SDK1: variants seen among roughly 807,000 people sequenced by gnomAD.
SDK1 encodes the protein sidekick cell adhesion molecule 1.
A neutral mutation model predicts 245.5 loss-of-function variants in SDK1; 157 were observed. That is an observed-to-expected ratio of 0.64 (90% CI 0.56 to 0.73). The LOEUF is 0.73. SDK1 is among the 30% of genes least tolerant of loss of function. The pLI, the probability that SDK1 is intolerant of heterozygous loss-of-function variation, is 0.00. For missense variants in SDK1, 3,583 were observed against 3,002.3 expected, an observed-to-expected ratio of 1.19 and a Z score of -4.52; for synonymous variants, 1,647 against 1,278.5, an observed-to-expected ratio of 1.29 and a Z score of -6.15.
intron 17 of SDK1, among the ~76,000 whole-genome samples, chr7:4,035,144 AT>A (rs535594795): frequency 1.6e-3 from 240 of 147,030 alleles, no homozygotes; most frequent in South Asian, 6.1e-3. Context: ...ATGCCCAGCT[AT>A]TTTTTTTTTT....
Position 4,175,835 on chromosome 7 carries a change from G to C in SDK1, c.4996+1G>C. 6.2e-7 allele frequency: 1 copy of C among 1,612,826 alleles called. No homozygotes were observed. Among genetic ancestry groups the C allele is most frequent in the Non-Finnish European group, 8.5e-7 (1 of 1,179,632 alleles). ...ACATCGACGATGTGTGAACTAACAC[G>C]TAAGTGCGCTCTCAGCGGGAGGCCC... On this transcript the variant is annotated splice_donor_variant, in intron 34 of 44. Coordinates refer to ENST00000404826, the MANE Select transcript of SDK1 (RefSeq NM_152744.4). LOFTEE classifies it high-confidence loss of function.
At chr7:3,975,258 C>T (rs757507494) in intron 13 of SDK1, among the ~76,000 whole-genome samples, 49 of 152,090 alleles carry the variant, frequency 3.2e-4, no homozygotes, top group Middle Eastern at 6.8e-3. Flanking sequence ...CTCAATATTC[C>T]GTGAGTGCAT....
chr7:3,473,702 C>G (rs866422991), intron 1 of SDK1, among the ~76,000 whole-genome samples: 1 of 151,354 alleles, frequency 6.6e-6, no homozygotes, highest in South Asian at 2.1e-4. Flanking sequence ...TTTTATCTTT[C>G]TAGTTACCTT....
chr7:4,189,476 A>C (rs1783069158), intron 35 of SDK1, among the ~76,000 whole-genome samples: 1 of 152,228 alleles, frequency 6.6e-6, no homozygotes, highest in Non-Finnish European at 1.5e-5. Context: ...ATGAGAGCCG[A>C]GTGTCCAGCA....
chr7:3,757,827 G>A (rs565828781), intron 4 of SDK1, among the ~76,000 whole-genome samples: 1 of 152,256 alleles, frequency 6.6e-6, no homozygotes, highest in Admixed American at 6.5e-5. Flanking sequence ...CCCCTCCCAG[G>A]AGACTGGGGA....
At chr7:3,626,609 C>G (rs74705357) in intron 2 of SDK1, among the ~76,000 whole-genome samples, 4,615 of 152,264 alleles carry the variant, frequency 0.03, 205 homozygotes, top group African/African-American at 0.099. Flanking sequence ...ACTGGTCTTG[C>G]GAGTACTAAG....
At chr7:3,975,824 C>G (rs929098969) in intron 13 of SDK1, among the ~76,000 whole-genome samples, 1 of 152,236 alleles carries the variant, frequency 6.6e-6, no homozygotes, top group East Asian at 1.9e-4. Flanking sequence ...AGTTAGGAAG[C>G]GGCAGGAGTC....
chr7:3,876,783 T>C (rs1219980465), intron 5 of SDK1, among the ~76,000 whole-genome samples: 1 of 152,200 alleles, frequency 6.6e-6, no homozygotes, highest in Non-Finnish European at 1.5e-5. Flanking sequence ...GTGAAGTCTC[T>C]AGAGCTAAGG....
chr7:4,074,790 T>C (rs934879494), intron 20 of SDK1, among the ~76,000 whole-genome samples: 2 of 146,868 alleles, frequency 1.4e-5, no homozygotes, highest in African/African-American at 5.1e-5. Flanking sequence ...TTGGGTTGAG[T>C]GGTTCAAGGT....
At chr7:3,582,606 GTAATC>G (rs780893825) in intron 1 of SDK1, among the ~76,000 whole-genome samples, 2 of 134,444 alleles carry the variant, frequency 1.5e-5, no homozygotes, top group South Asian at 2.5e-4. Flanking sequence ...GGGTGACAAA[GTAATC>G]TATGTAATGA....
intron 7 of SDK1, 81 bp from the exon 8 acceptor site, chr7:3,958,850 A>C: frequency 9.4e-7 from 1 of 1,063,314 alleles, no homozygotes; most frequent in Non-Finnish European, 1.4e-6. Context: ...TTTTAAGAGG[A>C]GCCCACACTA....
At chr7:4,034,615 G>T (rs185672218) in intron 17 of SDK1, among the ~76,000 whole-genome samples, 13 of 152,334 alleles carry the variant, frequency 8.5e-5, no homozygotes, top group African/African-American at 2.9e-4. Context: ...AGCAGGACAA[G>T]TTAGCAGTAA....
intron 1 of SDK1, among the ~76,000 whole-genome samples, chr7:3,476,786 A>G (rs1472797933): frequency 6.6e-6 from 1 of 152,188 alleles, no homozygotes; most frequent in East Asian, 1.9e-4. Context: ...GATTGACCCT[A>G]GTCATACACC....
chr7:4,186,537 C>T (rs949463922), intron 35 of SDK1, among the ~76,000 whole-genome samples: 9 of 152,192 alleles, frequency 5.9e-5, no homozygotes, highest in South Asian at 4.1e-4. Flanking sequence ...TCCCCGGAGC[C>T]GGCTCGCCTT....
chr7:3,819,243 C>A (rs1429910300), intron 4 of SDK1, among the ~76,000 whole-genome samples: 1 of 145,842 alleles, frequency 6.9e-6, no homozygotes. Flanking sequence ...TTTTTTTTTT[C>A]ATGAATTTTG....
At chr7:3,720,975 G>A (rs966162105) in intron 4 of SDK1, among the ~76,000 whole-genome samples, 2 of 152,154 alleles carry the variant, frequency 1.3e-5, no homozygotes, top group African/African-American at 2.4e-5. Context: ...GTTATATTGA[G>A]TGAGAAAAGC....
intron 4 of SDK1, among the ~76,000 whole-genome samples, chr7:3,799,486 C>T (rs1422093430): frequency 4.6e-5 from 7 of 151,696 alleles, no homozygotes; most frequent in Non-Finnish European, 8.8e-5. Context: ...AGGTGGATCA[C>T]GAGGTCAGGA....
At chr7:3,883,693 G>T (rs934312630) in intron 5 of SDK1, among the ~76,000 whole-genome samples, 1 of 144,252 alleles carries the variant, frequency 6.9e-6, no homozygotes, top group Non-Finnish European at 1.5e-5. Flanking sequence ...TCGCTCCCTC[G>T]CTCCCTCCCT....
intron 1 of SDK1, among the ~76,000 whole-genome samples, chr7:3,483,840 C>T (rs1456457156): frequency 2.0e-5 from 3 of 152,206 alleles, no homozygotes; most frequent in South Asian, 4.2e-4. Context: ...TTTTTCTCCT[C>T]TTTATCATTA....
Sources: gnomAD v4.1 joint callset for allele counts (sites outside exome capture counted in the v4.1 genomes callset) on GRCh38, gnomAD v4.1.1 for gene constraint, MANE v1.5 for transcripts, NCBI Gene and HGNC (gene_info 2026-07-23, HGNC 2026-07-21) for gene names.